Variants in JAKMIP3 observed in about 807,000 individuals in gnomAD.
JAKMIP3 encodes the protein Janus kinase and microtubule interacting protein 3.
Under a neutral mutation model 118.5 loss-of-function variants are expected in JAKMIP3, and 58 were observed. That is an observed-to-expected ratio of 0.49 (90% CI 0.40 to 0.61). JAKMIP3 has a LOEUF of 0.61. Ranked by LOEUF, JAKMIP3 falls within the 20% of genes least tolerant of loss-of-function variation. The pLI, the probability that JAKMIP3 is intolerant of heterozygous loss-of-function variation, is 0.00. For synonymous variants in JAKMIP3, 486 were observed against 451.2 expected (o/e 1.08, Z -0.98); for missense variants, 950 against 1,109.0 (o/e 0.86, Z 2.04).
At chr10:132,061,650 C>T (rs2038402204), upstream of JAKMIP3, among the ~76,000 whole-genome samples, 1 of 152,156 alleles carries the variant, frequency 6.6e-6, no homozygotes, top group Admixed American at 6.5e-5. Flanking sequence ...AATTGCCACC[C>T]AAGCTGGCAT....
intron 1 of JAKMIP3, among the ~76,000 whole-genome samples, chr10:132,072,616 A>G (rs2134016874): frequency 6.6e-6 from 1 of 152,340 alleles, no homozygotes. Context: ...TTTAATATTT[A>G]GTGATGCGAT....
rs573870206 is a variant in JAKMIP3, at chr10:132,179,718, G to A, written c.*1104-2639G>A. The stretch of plus-strand genomic sequence containing the variant: ...TCACACCACAGCAGGGCCACACCAC[G>A]GCAGGGTCGCACCACAGCAGGGTCA... On this transcript the variant is annotated intron_variant, in intron 23 of 23. Transcript: ENST00000684848. This position sits in a 1 kb window ranked among gnomAD's most constrained non-coding sequence, Gnocchi z 4.3. Among the ~76,000 whole-genome samples the A allele has an allele frequency of 6.0e-5, 9 of 150,324 alleles. No individual in the cohort carries two copies. Among genetic ancestry groups the A allele is most frequent in the African/African-American group, 1.8e-4 (7 of 39,944 alleles).
At chr10:132,055,691 T>G (rs1310716195) in intron 1 of JAKMIP3, among the ~76,000 whole-genome samples, 6 of 152,192 alleles carry the variant, frequency 3.9e-5, no homozygotes, top group Admixed American at 3.9e-4. Flanking sequence ...TCCCGACATC[T>G]TAACATTCTA....
chr10:132,166,032 A>G (rs1348105810), intron 21 of JAKMIP3, among the ~76,000 whole-genome samples: 2 of 152,208 alleles, frequency 1.3e-5, no homozygotes, highest in Non-Finnish European at 2.9e-5. Context: ...AAATACTAGA[A>G]AAATGTGAGG....
chr10:132,081,270 A>G (rs779856213), intron 1 of JAKMIP3, among the ~76,000 whole-genome samples: 39 of 152,336 alleles, frequency 2.6e-4, no homozygotes, highest in Admixed American at 2.0e-4. Context: ...GTGAACTCAC[A>G]CTTATTTGTA....
At position 132,106,404 on chromosome 10, in the gene JAKMIP3, T is replaced by C. The variant is rs142725513; in HGVS notation, c.135+1461T>C. ...CACCTGCTCATTTACATATTGTCCT[T>C]GGAGTTGACCCACAAAACCTAAAAT... is the stretch of plus-strand genomic sequence containing the variant. On this transcript the variant is annotated intron_variant, in intron 2 of 23. Coordinates refer to ENST00000684848, the MANE Select transcript of JAKMIP3 (RefSeq NM_001323087.2). Among the ~76,000 whole-genome samples the C allele has an allele frequency of 1.8e-4, 27 of 151,598 alleles. No individual in the cohort carries two copies. In the East Asian group the frequency reaches 4.8e-3, roughly 27 times the overall value.
chr10:132,154,660 C>G (rs764171467), intron 19 of JAKMIP3, among the ~76,000 whole-genome samples: 21 of 152,174 alleles, frequency 1.4e-4, no homozygotes, highest in Non-Finnish European at 2.2e-4. Flanking sequence ...AGGGTCTTGA[C>G]CCTCATGCCT....
rs375589845 is a variant in JAKMIP3 at position 132,133,280 on chromosome 10, G to A, written c.634-32G>A. ...GGTAACTGCAGATCCGTGTCCTGCC[G>A]CCTGTGTGATTGTGTTCTGTTCTCC... On this transcript the variant is annotated intron_variant, in intron 3 of 23. Transcript: ENST00000684848. The A allele has an allele frequency of 2.9e-4, 436 of 1,519,996 alleles. 1 individual carries two copies. The highest frequency in any genetic ancestry group is 1.9e-3 in the South Asian group (162 of 83,462). The allele number at this position is 1,519,996 out of a possible 1,614,324, so 94.2% of individuals were successfully genotyped here. A position where few individuals can be genotyped will look rare whatever the true frequency, so the allele number is the denominator to read the frequency against.
At chr10:132,063,126 TC>T (rs978451334), upstream of JAKMIP3, among the ~76,000 whole-genome samples, 11 of 151,742 alleles carry the variant, frequency 7.2e-5, no homozygotes, top group African/African-American at 2.7e-4. Context: ...GTGGCCAAGC[TC>T]CCCCAGAAAG....
In JAKMIP3 at chr10:132,044,273, A is replaced by G. The variant is rs1334877059; in HGVS notation, c.-138+7535A>G. ...ACGTCTCCTGGTCCAGGCATCGTGG[A>G]CCTCCCTGGGGTGAGTAGTCAACAC... is the stretch of plus-strand genomic sequence containing the variant. On this transcript the variant is annotated intron_variant, in intron 1 of 23. Coordinates refer to the JAKMIP3 transcript ENST00000657785. The surrounding 1 kb of genome is among the most constrained non-coding windows in gnomAD (Gnocchi z 5.3). Among the ~76,000 whole-genome samples the G allele has an allele frequency of 1.3e-5, 2 of 151,890 alleles. No individual in the cohort carries two copies. The highest frequency in any genetic ancestry group is 3.9e-4 in the East Asian group (2 of 5,154).
At chr10:132,175,483 G>T (rs2060057700) in intron 23 of JAKMIP3, among the ~76,000 whole-genome samples, 1 of 152,158 alleles carries the variant, frequency 6.6e-6, no homozygotes, top group African/African-American at 2.4e-5. Context: ...AGGGATGCTG[G>T]TGGGGTCCCT....
In JAKMIP3 at chr10:132,140,570, C is replaced by G. The variant is rs1293735200; in HGVS notation, c.1464C>G (p.Asp488Glu). Residue 488 changes from aspartate to glutamate, a missense_variant, in exon 10 of 24, where the codon GAC becomes GAG. Physicochemically the swap from Asp to Glu is conservative, Grantham distance 45. Coordinates refer to ENST00000684848, the MANE Select transcript of JAKMIP3 (RefSeq NM_001323087.2). ...AGACCCCGTGCACCCCGGACGATGA[C>G]TTGGAGGAGGTAACGAGGGTCTCCT... Reference protein sequence around the residue: ...TDQTPCTPDDDLEEGMAKEET... With the variant: ...TDQTPCTPDDELEEGMAKEET... The G allele has an allele frequency of 4.2e-6, 6 of 1,417,656 alleles. No homozygotes were observed. The highest frequency in any genetic ancestry group is 2.1e-5 in the Admixed American group (1 of 47,350). 87.8% of individuals were successfully genotyped at this position (1,417,656 alleles called of 1,614,324 possible). A position where few individuals can be genotyped will look rare whatever the true frequency, so the allele number is the denominator to read the frequency against.
At chr10:132,069,565 T>C (rs1589741846) in intron 1 of JAKMIP3, among the ~76,000 whole-genome samples, 1 of 151,828 alleles carries the variant, frequency 6.6e-6, no homozygotes, top group South Asian at 2.1e-4. Context: ...GTCTCACATG[T>C]AGGTCTGGCA....
At chr10:132,142,782 G>A (rs963079995) in intron 11 of JAKMIP3, among the ~76,000 whole-genome samples, 1 of 152,138 alleles carries the variant, frequency 6.6e-6, no homozygotes, top group Non-Finnish European at 1.5e-5. Context: ...GCTGCTTTCC[G>A]GGGGAGCTGA....
At chr10:132,092,143 G>C (rs1486520505) in intron 1 of JAKMIP3, among the ~76,000 whole-genome samples, 4 of 152,146 alleles carry the variant, frequency 2.6e-5, no homozygotes, top group Admixed American at 2.6e-4. Context: ...TCCACTGTTA[G>C]TCTGATGGGC....
At chr10:132,157,266 A>G (rs2057210060) in intron 19 of JAKMIP3, among the ~76,000 whole-genome samples, 2 of 152,092 alleles carry the variant, frequency 1.3e-5, no homozygotes, top group African/African-American at 4.8e-5. Context: ...TTTCATGGAT[A>G]GCCTGAGAAA....
chr10:132,177,577 G>GC (rs1386893416), intron 23 of JAKMIP3, among the ~76,000 whole-genome samples: 5 of 149,200 alleles, frequency 3.4e-5, no homozygotes, highest in Non-Finnish European at 5.9e-5. Flanking sequence ...CTGCTCCTGT[G>GC]CCCTGGGTAG....
intron 23 of JAKMIP3, among the ~76,000 whole-genome samples, chr10:132,172,505 G>A (rs980712015): frequency 6.6e-6 from 1 of 152,062 alleles, no homozygotes; most frequent in Non-Finnish European, 1.5e-5. Context: ...GTGGGGACGT[G>A]CTCTCCCCCT....
chr10:132,101,118 G>A lies in JAKMIP3; in HGVS notation c.-137-3554G>A, dbSNP rs1187607090. Among the ~76,000 whole-genome samples the A allele has an allele frequency of 2.0e-5, 3 of 152,322 alleles. No homozygotes were observed. The East Asian group carries it at 5.8e-4, about 29-fold the overall frequency. ...ACCCAGAGTGGACTTGAATCTGTTC[G>A]GAGGAGCTGGGCACTCCCAGGCCTG... is the stretch of plus-strand genomic sequence containing the variant. On this transcript the variant is annotated intron_variant, in intron 1 of 23. Coordinates refer to ENST00000684848, the MANE Select transcript of JAKMIP3 (RefSeq NM_001323087.2).
Sources: allele counts gnomAD v4.1 joint callset (sites outside exome capture counted in the v4.1 genomes callset), GRCh38; gene constraint gnomAD v4.1.1; non-coding constraint Gnocchi (gnomAD v3.1); transcripts MANE v1.5; gene names NCBI Gene and HGNC (gene_info 2026-07-23, HGNC 2026-07-21).